RIOK2: variants seen among roughly 807,000 people sequenced by gnomAD.
RIOK2 encodes the protein serine/threonine-protein kinase RIO2.
Under a neutral mutation model 62.4 loss-of-function variants are expected in RIOK2, and 46 were observed. The observed-to-expected ratio is 0.74, with a 90% CI of 0.58 to 0.94. The LOEUF is 0.94. Among genes scored for constraint, RIOK2 ranks in the 40% least tolerant of loss-of-function variants. RIOK2 has a pLI of 0.00. For synonymous variants in RIOK2, 197 were observed against 216.0 expected, an observed-to-expected ratio of 0.91 and a Z score of 0.77; for missense variants, 574 against 658.0, an observed-to-expected ratio of 0.87 and a Z score of 1.40.
rs1749003834 is a variant in RIOK2 at position 97,171,367 on chromosome 5, T to C, written c.618A>G (p.Ala206=). ...LCQIHHVEDP[A]SVYDEAMELI... is the part of the protein sequence containing the mutation. ...GTTCCATAGCTTCATCATATACTGATGCAGGATCTTCAACATGGTGTATCT... is the reference window on the plus strand; with the variant it reads ...GTTCCATAGCTTCATCATATACTGACGCAGGATCTTCAACATGGTGTATCT... Residue 206 remains alanine (A), a synonymous_variant, in exon 6 of 10, where the codon GCA becomes GCG. Coordinates refer to ENST00000283109, the MANE Select transcript of RIOK2 (RefSeq NM_018343.3). 1 of 1,563,064 alleles carries C rather than the reference T, an allele frequency of 6.4e-7. No homozygotes were observed. The highest frequency in any genetic ancestry group is 1.4e-5 in the African/African-American group (1 of 72,928).
At chr5:97,163,314 C>T in intron 9 of RIOK2, 89 bp from the exon 10 acceptor site, 2 of 1,092,040 alleles carry the variant, frequency 1.8e-6, no homozygotes, top group Non-Finnish European at 2.7e-6. Flanking sequence ...ATATTGACAC[C>T]ATGAATTTTA....
At chr5:97,166,770 G>GC in intron 8 of RIOK2, 18 of 986,162 alleles carry the variant, frequency 1.8e-5, no homozygotes, top group Non-Finnish European at 2.2e-5. Context: ...TACATTTATT[G>GC]CATGTTTTAA....
Position 97,179,037 on chromosome 5 carries a change from G to T in RIOK2, c.205+18C>A. ...CCAATTACCTGAAAAATCACAAATG[G>T]TGCCTCAAAATACTTACTTTTGGTA... On this transcript the variant is annotated intron_variant, in intron 2 of 9. Coordinates refer to ENST00000283109, the MANE Select transcript of RIOK2 (RefSeq NM_018343.3). The T allele has an allele frequency of 6.2e-7, 1 of 1,613,444 alleles. No individual in the cohort carries two copies. The highest frequency in any genetic ancestry group is 8.5e-7 in the Non-Finnish European group (1 of 1,179,730).
In RIOK2 at chr5:97,163,033, A is replaced by C; in HGVS notation, c.*28T>G. 1 of 1,565,628 alleles carries C rather than the reference A, an allele frequency of 6.4e-7. No homozygotes were observed. The highest frequency in any genetic ancestry group is 8.7e-7 in the Non-Finnish European group (1 of 1,151,232). The stretch of plus-strand genomic sequence containing the variant: ...GAATTACAGTAACTTTAAAAAATAT[A>C]TTAAACATATCCAAGATCCTAAATA... On this transcript the variant is annotated 3_prime_UTR_variant, in exon 10 of 10. Transcript: ENST00000283109.
In RIOK2 at chr5:97,179,166, T is replaced by C; in HGVS notation, c.94A>G (p.Ile32Val). Residue 32 changes from isoleucine to valine, a missense_variant, in exon 2 of 10, where the codon ATT becomes GTT. Transcript: ENST00000283109. ...GAAGCAATCAAACTGCCGGGAACAA[T>C]TTCATGGTTCTTCATGCCCATTTCA... is the stretch of plus-strand genomic sequence containing the variant. ...AVEMGMKNHE[I>V]VPGSLIASIA... 1 of 1,613,758 alleles carries C rather than the reference T, an allele frequency of 6.2e-7. No homozygotes were observed. The highest frequency in any genetic ancestry group is 8.5e-7 in the Non-Finnish European group (1 of 1,179,924).
intron 4 of RIOK2, among the ~76,000 whole-genome samples, chr5:97,175,323 G>C (rs965814424): frequency 6.6e-6 from 1 of 152,118 alleles, no homozygotes; most frequent in African/African-American, 2.4e-5. Context: ...TACCTAGACA[G>C]ATCAATAGCA....
Position 97,176,985 on chromosome 5 carries a change from AGTCT to A in RIOK2, c.498+127_498+130del, listed in dbSNP as rs946058286. 88 of 742,096 alleles carry A rather than the reference AGTCT, an allele frequency of 1.2e-4. 1 individual carries two copies. Among genetic ancestry groups the A allele is most frequent in the East Asian group, 6.7e-4 (26 of 38,864 alleles). The allele number at this position is 742,096 out of a possible 1,614,324, so 46.0% of individuals were successfully genotyped here. On this transcript the variant is annotated intron_variant, in intron 4 of 9. Coordinates refer to ENST00000283109, the MANE Select transcript of RIOK2 (RefSeq NM_018343.3). ...TAATCAACAGAGTTATTTAAGATTG[AGTCT>A]GTCTGTAGGAATTGAGTCTAAGGTT...
In RIOK2 at chr5:97,171,285, G is replaced by T; in HGVS notation, c.700C>A (p.Leu234Ile). ...LIHGDFNEFN[L>I]ILDESDHITM... Reference sequence around the variant, plus strand: ...ATATGGTCACTTTCATCCAAAATGAGATTAAATTCATTAAAATCTCCATGA... The same window carrying T: ...ATATGGTCACTTTCATCCAAAATGATATTAAATTCATTAAAATCTCCATGA... The change falls in exon 6 of 10, where the codon CTC (leucine) becomes ATC (isoleucine). Residue 234 changes from leucine to isoleucine, a missense_variant. Coordinates refer to ENST00000283109, the MANE Select transcript of RIOK2 (RefSeq NM_018343.3). 6.2e-7 allele frequency: 1 copy of T among 1,608,652 alleles called. No homozygotes were observed. The highest frequency in any genetic ancestry group is 8.5e-7 in the Non-Finnish European group (1 of 1,177,626).
intron 9 of RIOK2, among the ~76,000 whole-genome samples, chr5:97,163,726 A>G (rs1380615121): frequency 6.6e-6 from 1 of 152,236 alleles, no homozygotes; most frequent in Non-Finnish European, 1.5e-5. Context: ...TGCAAGTCAC[A>G]TGACTTACAA....
intron 9 of RIOK2, among the ~76,000 whole-genome samples, chr5:97,164,394 G>A (rs1243388443): frequency 6.6e-6 from 1 of 151,886 alleles, no homozygotes; most frequent in Non-Finnish European, 1.5e-5. Flanking sequence ...CAAGCTACTC[G>A]GGAAGCTGAG....
chr5:97,181,159 C>T (rs940521612), intron 1 of RIOK2, among the ~76,000 whole-genome samples: 1 of 151,240 alleles, frequency 6.6e-6, no homozygotes, highest in African/African-American at 2.4e-5. Context: ...ATAGTCCCAG[C>T]TACTTGGGAG....
At chr5:97,174,189 C>T (rs927522102) in intron 4 of RIOK2, among the ~76,000 whole-genome samples, 2 of 151,970 alleles carry the variant, frequency 1.3e-5, no homozygotes, top group African/African-American at 4.8e-5. Context: ...GAGGCCGAGG[C>T]GGGTGGATCA....
chr5:97,181,426 A>G lies in RIOK2; in HGVS notation c.66+1700T>C, dbSNP rs184784859. On this transcript the variant is annotated intron_variant, in intron 1 of 9. Coordinates refer to ENST00000283109, the MANE Select transcript of RIOK2 (RefSeq NM_018343.3). ...CTATCACTGAGCAGGAGATAATGGA[A>G]GAAAAGGAATGTTTGGGAGCAGAAT... 1.1e-3 allele frequency among the ~76,000 whole-genome samples: 166 copies of G among 152,302 alleles called. 1 individual carries two copies. Among genetic ancestry groups the G allele is most frequent in the African/African-American group, 3.7e-3 (155 of 41,576 alleles).
Position 97,164,870 on chromosome 5 carries a change from C to T in RIOK2, c.1494+181G>A, listed in dbSNP as rs182555421. The stretch of plus-strand genomic sequence containing the variant: ...TAATGGTGGCAGGACACAACTCTAC[C>T]ACATCCTTTGAGCAACATTCATTTA... On this transcript the variant is annotated intron_variant, in intron 9 of 9. Coordinates refer to ENST00000283109, the MANE Select transcript of RIOK2 (RefSeq NM_018343.3). 1.8e-3 allele frequency: 709 copies of T among 385,546 alleles called. 1 individual carries two copies. Among genetic ancestry groups the T allele is most frequent in the Middle Eastern group, 7.3e-3 (11 of 1,500 alleles). The allele number at this position is 385,546 out of a possible 1,614,324, so 23.9% of individuals were successfully genotyped here. A position where few individuals can be genotyped will look rare whatever the true frequency, so the allele number is the denominator to read the frequency against.
Position 97,162,802 on chromosome 5 carries a change from T to C in RIOK2, c.*259A>G, listed in dbSNP as rs755255108. On this transcript the variant is annotated 3_prime_UTR_variant, in exon 10 of 10. Transcript: ENST00000283109. ...CAAACAGAAAACAACAAAAATGTTA[T>C]TTAGATTTTTAAAAATATGCAAATG... is the stretch of plus-strand genomic sequence containing the variant. 53 of 371,510 alleles carry C rather than the reference T, an allele frequency of 1.4e-4. No individual in the cohort carries two copies. Among genetic ancestry groups the C allele is most frequent in the Non-Finnish European group, 2.4e-4 (50 of 208,478 alleles). The allele number at this position is 371,510 out of a possible 1,614,324, so 23.0% of individuals were successfully genotyped here. A position where few individuals can be genotyped will look rare whatever the true frequency, so the allele number is the denominator to read the frequency against.
intron 8 of RIOK2, chr5:97,166,120 T>A: frequency 3.9e-6 from 1 of 255,176 alleles, no homozygotes; most frequent in Non-Finnish European, 7.8e-6. Context: ...GGACTGGAAC[T>A]GTACCATGGG....
At chr5:97,178,883 G>T in intron 2 of RIOK2, 172 bp downstream of exon 2, 1 of 721,954 alleles carries the variant, frequency 1.4e-6, no homozygotes, top group Non-Finnish European at 2.3e-6. Flanking sequence ...CCTTTGATCT[G>T]GGTGTGCCCT....
At position 97,167,975 on chromosome 5, in the gene RIOK2, C is replaced by G. The variant is rs527590673; in HGVS notation, c.889G>C (p.Asp297His). ...TAGCCACTGGCAGAAACCTCCACAT[C>G]AAGAGTGTCTTCTCTCCTAGAAAAA... The part of the protein sequence containing the change: ...FKDIRREDTL[D>H]VEVSASGYTK... The change falls in exon 8 of 10, where the codon GAT becomes CAT. Residue 297 changes from aspartate (D) to histidine (H), a missense_variant. Physicochemically the swap from Asp to His is moderately conservative, Grantham distance 81 (BLOSUM62 -1). Transcript: ENST00000283109. 1.3e-6 allele frequency: 2 copies of G among 1,598,620 alleles called. No individual in the cohort carries two copies. The highest frequency in any genetic ancestry group is 2.7e-5 in the African/African-American group (2 of 74,668).
At chr5:97,174,508 C>T (rs1749109502) in intron 4 of RIOK2, among the ~76,000 whole-genome samples, 1 of 152,098 alleles carries the variant, frequency 6.6e-6, no homozygotes, top group Non-Finnish European at 1.5e-5. Context: ...CTTTAATCCA[C>T]CTGTACAGTC....
Sources: gnomAD v4.1 joint callset for allele counts (sites outside exome capture counted in the v4.1 genomes callset) on GRCh38, gnomAD v4.1.1 for gene constraint, MANE v1.5 for transcripts, NCBI Gene and HGNC (gene_info 2026-07-23, HGNC 2026-07-21) for gene names.